Variants in EPHA7 observed in about 807,000 individuals in gnomAD.
The protein encoded by EPHA7 is ephrin type-A receptor 7.
A neutral mutation model predicts 112.6 loss-of-function variants in EPHA7; 25 were observed. That is an observed-to-expected ratio of 0.22 (90% confidence interval 0.16 to 0.31). EPHA7 has a LOEUF of 0.31. Among genes scored for constraint, EPHA7 ranks in the 10% least tolerant of loss-of-function variants. The probability of loss-of-function intolerance (pLI) is 1.00; values close to 1 mark genes in which losing one functional copy is unlikely to be tolerated. For synonymous variants in EPHA7, 437 were observed against 406.5 expected, an observed-to-expected ratio of 1.07 and a Z score of -0.90; for missense variants, 962 against 1,212.6, an observed-to-expected ratio of 0.79 and a Z score of 3.07.
intron 16 of EPHA7, among the ~76,000 whole-genome samples, chr6:93,244,088 A>G (rs573779587): frequency 6.6e-6 from 1 of 152,250 alleles, no homozygotes; most frequent in Non-Finnish European, 1.5e-5. Flanking sequence ...TATAAAAACT[A>G]TCTTTTAAAA....
intron 14 of EPHA7, among the ~76,000 whole-genome samples, chr6:93,250,978 C>T (rs956259205): frequency 6.6e-6 from 1 of 151,942 alleles, no homozygotes; most frequent in Non-Finnish European, 1.5e-5. Flanking sequence ...ACAGTATGAC[C>T]ATTGTAATTA....
At chr6:93,416,341 T>A (rs1310259260) in intron 1 of EPHA7, among the ~76,000 whole-genome samples, 1 of 152,208 alleles carries the variant, frequency 6.6e-6, no homozygotes, top group Non-Finnish European at 1.5e-5. Context: ...TATTTTATTT[T>A]TCTTGTGTGC....
intron 1 of EPHA7, among the ~76,000 whole-genome samples, chr6:93,415,808 T>C (rs1303658498): frequency 3.9e-5 from 6 of 152,182 alleles, no homozygotes; most frequent in Admixed American, 6.5e-5. Flanking sequence ...TTAAAATTTT[T>C]ACTTAAAATA....
chr6:93,338,614 A>G (rs1425181418), intron 5 of EPHA7, among the ~76,000 whole-genome samples: 1 of 152,056 alleles, frequency 6.6e-6, no homozygotes, highest in Non-Finnish European at 1.5e-5. Context: ...ATACCTGAAT[A>G]TTAAATAATA....
At chr6:93,253,001 T>A (rs552585650) in intron 14 of EPHA7, among the ~76,000 whole-genome samples, 1 of 152,196 alleles carries the variant, frequency 6.6e-6, no homozygotes, top group South Asian at 2.1e-4. Context: ...ATTTTTTTCT[T>A]CTTAACCATT....
At chr6:93,387,735 G>A (rs1223254760) in intron 3 of EPHA7, among the ~76,000 whole-genome samples, 2 of 152,044 alleles carry the variant, frequency 1.3e-5, no homozygotes, top group Admixed American at 1.3e-4. Flanking sequence ...GAATTGCAGA[G>A]TGAAGGGGGG....
chr6:93,400,781 T>C (rs963449457), intron 3 of EPHA7, among the ~76,000 whole-genome samples: 3 of 152,052 alleles, frequency 2.0e-5, no homozygotes, highest in African/African-American at 4.8e-5. Context: ...CAAGCAATCC[T>C]CCTACCTTAG....
intron 5 of EPHA7, among the ~76,000 whole-genome samples, chr6:93,290,318 C>T (rs1156372980): frequency 4.0e-5 from 6 of 151,884 alleles, no homozygotes; most frequent in African/African-American, 1.4e-4. Context: ...TGACTTGTAC[C>T]TTCTTGGAAA....
At chr6:93,324,463 G>A (rs1404179156) in intron 5 of EPHA7, among the ~76,000 whole-genome samples, 1 of 151,246 alleles carries the variant, frequency 6.6e-6, no homozygotes, top group Non-Finnish European at 1.5e-5. Context: ...CAGATGAAAG[G>A]CATGAAATAC....
chr6:93,358,162 G>A (rs1375039805), intron 4 of EPHA7, 94 bp downstream of exon 4: 4 of 936,458 alleles, frequency 4.3e-6, no homozygotes, highest in Non-Finnish European at 4.4e-6. Context: ...AATTAAGAAT[G>A]TATCACAAAT....
chr6:93,327,149 A>T (rs948239953), intron 5 of EPHA7, among the ~76,000 whole-genome samples: 6 of 151,614 alleles, frequency 4.0e-5, no homozygotes, highest in Admixed American at 1.3e-4. Flanking sequence ...GATGGCCACT[A>T]GACTCATACT....
intron 1 of EPHA7, among the ~76,000 whole-genome samples, chr6:93,419,021 G>C (rs1221296131): frequency 6.6e-6 from 1 of 152,094 alleles, no homozygotes; most frequent in Non-Finnish European, 1.5e-5. Flanking sequence ...CGCACCCGTC[G>C]GATGGACGGC....
At position 93,258,081 on chromosome 6, in the gene EPHA7, G is replaced by C; in HGVS notation, c.2110+18C>G. 2.5e-6 allele frequency: 4 copies of C among 1,603,650 alleles called. No individual in the cohort carries two copies. The highest frequency in any genetic ancestry group is 3.4e-6 in the Non-Finnish European group (4 of 1,173,134). On this transcript the variant is annotated intron_variant, in intron 11 of 16. Transcript: ENST00000369303. ...CACTCAGTCTTTTTGATAAAATAAAGATATAACCAATATCTACCTCTTGTA... is the reference window on the plus strand; with the variant it reads ...CACTCAGTCTTTTTGATAAAATAAACATATAACCAATATCTACCTCTTGTA...
chr6:93,270,190 A>G (rs1233289318), intron 6 of EPHA7, among the ~76,000 whole-genome samples: 1 of 151,668 alleles, frequency 6.6e-6, no homozygotes. Flanking sequence ...CACTTCTGCA[A>G]AACAGTTTAA....
Position 93,349,447 on chromosome 6 carries a change from AAC to A in EPHA7, c.1324+7268_1324+7269del, listed in dbSNP as rs140857881. 4.9e-3 allele frequency among the ~76,000 whole-genome samples: 742 copies of A among 152,034 alleles called. 1 individual carries two copies. Among genetic ancestry groups the A allele is most frequent in the African/African-American group, 0.017 (706 of 41,542 alleles). Reference sequence around the variant, plus strand: ...AAATGTAACAGAAATGCATATTTTGAACAGTTTACTGTTAAAGGAAATTTATT... The same window carrying A: ...AAATGTAACAGAAATGCATATTTTGAAGTTTACTGTTAAAGGAAATTTATT... On this transcript the variant is annotated intron_variant, in intron 5 of 16. Coordinates refer to ENST00000369303, the MANE Select transcript of EPHA7 (RefSeq NM_004440.4).
chr6:93,267,005 T>G (rs2127873116), intron 7 of EPHA7, among the ~76,000 whole-genome samples: 1 of 151,884 alleles, frequency 6.6e-6, no homozygotes, highest in South Asian at 2.1e-4. Context: ...TTATTTGACT[T>G]TTTTACTCTC....
At chr6:93,287,879 A>G (rs1486795484) in intron 5 of EPHA7, among the ~76,000 whole-genome samples, 1 of 152,180 alleles carries the variant, frequency 6.6e-6, no homozygotes, top group Non-Finnish European at 1.5e-5. Flanking sequence ...ACCTACAGTA[A>G]GATATCACTT....
intron 5 of EPHA7, among the ~76,000 whole-genome samples, chr6:93,279,311 C>A (rs1445214959): frequency 1.3e-5 from 2 of 152,098 alleles, no homozygotes; most frequent in Non-Finnish European, 2.9e-5. Context: ...AGATCTGCAT[C>A]ACTCTTTTAT....
At position 93,411,053 on chromosome 6, in the gene EPHA7, T is replaced by C. The variant is rs779944312; in HGVS notation, c.280A>G (p.Asn94Asp). ...AATTCTACAAAAATCCTTTGTGCAT[T>C]GCCTTTGGAAATCCAGTTAGTCCGC... ...WLRTNWISKG[N>D]AQRIFVELKF... Residue 94 changes from asparagine (N) to aspartate (D), a missense_variant, in exon 3 of 17, where the codon AAT becomes GAT. Physicochemically the swap from Asn to Asp is conservative, Grantham distance 23. Coordinates refer to ENST00000369303, the MANE Select transcript of EPHA7 (RefSeq NM_004440.4). The C allele has an allele frequency of 9.9e-6, 16 of 1,613,928 alleles. No individual in the cohort carries two copies. The Admixed American group carries it at 2.3e-4, about 24-fold the overall frequency.
Sources: gnomAD v4.1 joint callset for allele counts (sites outside exome capture counted in the v4.1 genomes callset) on GRCh38, gnomAD v4.1.1 for gene constraint, MANE v1.5 for transcripts, NCBI Gene and HGNC (gene_info 2026-07-23, HGNC 2026-07-21) for gene names.